The following BNIP1 variants were observed in gnomAD, a reference collection of about 807,000 sequenced individuals.
BNIP1 encodes vesicle transport protein SEC20.
A neutral mutation model predicts 28.5 loss-of-function variants in BNIP1; 25 were observed. The observed-to-expected ratio is 0.88, with a 90% CI of 0.64 to 1.23. The LOEUF is 1.23. Ranked by LOEUF, BNIP1 falls within the 50% of genes most tolerant of loss-of-function variation. The probability of loss-of-function intolerance (pLI) is 0.00; values close to 1 mark genes in which losing one functional copy is unlikely to be tolerated. For missense variants in BNIP1, 276 were observed against 277.0 expected (o/e 1.00, Z 0.02); for synonymous variants, 118 against 101.7 (o/e 1.16, Z -0.96).
At chr5:173,145,293 TA>T (rs1295376729) in intron 1 of BNIP1, among the ~76,000 whole-genome samples, 1 of 152,254 alleles carries the variant, frequency 6.6e-6, no homozygotes, top group Non-Finnish European at 1.5e-5. Flanking sequence ...TTAAGCCATT[TA>T]AGGGTAGAGG....
rs751890417 is a variant in BNIP1 at position 173,163,879 on chromosome 5, G to A, written c.645G>A (p.Thr215=). Residue 215 remains threonine (T), a synonymous_variant, in exon 6 of 6, where the codon ACG becomes ACA. Transcript: ENST00000351486. ...TTGCGCTAGCCCTGTTTCTTGCTAC[G>A]GTCCTCTATATTGTGAAAAAGCGGC... ...IFLALALFLA[T]VLYIVKKRLF... is the part of the protein sequence containing the mutation. 4 of 1,613,056 alleles carry A rather than the reference G, an allele frequency of 2.5e-6. No individual in the cohort carries two copies. Among genetic ancestry groups the A allele is most frequent in the South Asian group, 2.2e-5 (2 of 90,874 alleles).
intron 4 of BNIP1, among the ~76,000 whole-genome samples, chr5:173,159,373 G>A (rs911853112): frequency 6.6e-6 from 1 of 151,244 alleles, no homozygotes; most frequent in African/African-American, 2.4e-5. Context: ...TGAACATTTT[G>A]GTATATTCTC....
intron 3 of BNIP1, among the ~76,000 whole-genome samples, chr5:173,157,789 A>G (rs1456627837): frequency 1.3e-5 from 2 of 152,122 alleles, no homozygotes; most frequent in African/African-American, 4.8e-5. Context: ...GCAGGTGAAG[A>G]CTGTAGATCC....
intron 2 of BNIP1, among the ~76,000 whole-genome samples, chr5:173,148,729 G>C (rs188992113): frequency 6.7e-6 from 1 of 148,216 alleles, no homozygotes; most frequent in Non-Finnish European, 1.5e-5. Context: ...TCTACTTGAA[G>C]CACTAGGCAG....
intron 3 of BNIP1, among the ~76,000 whole-genome samples, chr5:173,155,034 T>C (rs1006783512): frequency 5.9e-5 from 9 of 152,182 alleles, no homozygotes; most frequent in African/African-American, 2.2e-4. Context: ...CTAAGGATAA[T>C]TGGTACCAGA....
intron 2 of BNIP1, among the ~76,000 whole-genome samples, chr5:173,153,254 GTC>G (rs1029244948): frequency 1.3e-5 from 2 of 150,728 alleles, no homozygotes; most frequent in Admixed American, 6.6e-5. Context: ...TTTTGAGACA[GTC>G]TCTCTCTGTC....
rs191405019 is a variant in BNIP1 at position 173,147,030 on chromosome 5, G to T, written c.177+72G>T. The T allele has an allele frequency of 5.2e-5, 65 of 1,238,458 alleles. 1 individual carries two copies. In the Middle Eastern group the frequency reaches 1.3e-3, roughly 25 times the overall value. 76.7% of individuals were successfully genotyped at this position (1,238,458 alleles called of 1,614,324 possible). A position where few individuals can be genotyped will look rare whatever the true frequency, so the allele number is the denominator to read the frequency against. ...TATCCTCTGCTTGAGAGCCGTCTGG[G>T]TTCTTCAAACACCAGCTGATGGGAG... On this transcript the variant is annotated intron_variant, in intron 2 of 5. Coordinates refer to ENST00000351486, the MANE Select transcript of BNIP1 (RefSeq NM_001205.3).
chr5:173,155,668 GGGTGACA>G (rs1760165340), intron 3 of BNIP1, among the ~76,000 whole-genome samples: 1 of 151,982 alleles, frequency 6.6e-6, no homozygotes. Flanking sequence ...ACTCCAGCCT[GGGTGACA>G]GAGTGAGACT....
At chr5:173,158,877 T>C in intron 4 of BNIP1, 32 bp downstream of exon 4, 1 of 1,547,988 alleles carries the variant, frequency 6.5e-7, no homozygotes, top group South Asian at 1.1e-5. Context: ...TGGGCTCCGA[T>C]AATAATAGAT....
intron 4 of BNIP1, 111 bp downstream of exon 4, chr5:173,158,956 AT>A: frequency 4.2e-6 from 3 of 709,494 alleles, no homozygotes; most frequent in African/African-American, 1.8e-5. Flanking sequence ...TACATAAGTA[AT>A]TTTTTTAAGT....
At chr5:173,152,091 C>T (rs1203594325) in intron 2 of BNIP1, among the ~76,000 whole-genome samples, 1 of 152,216 alleles carries the variant, frequency 6.6e-6, no homozygotes, top group Non-Finnish European at 1.5e-5. Flanking sequence ...TGTCTTTGTA[C>T]ATATAGCTCT....
intron 2 of BNIP1, chr5:173,151,546 A>ATTTTTTT: frequency 2.1e-6 from 3 of 1,441,336 alleles, no homozygotes; most frequent in Non-Finnish European, 1.9e-6. Flanking sequence ...AATAACTGTC[A>ATTTTTTT]TTTTTTTTTT....
At chr5:173,153,401 G>A (rs1281212502) in intron 2 of BNIP1, among the ~76,000 whole-genome samples, 2 of 151,966 alleles carry the variant, frequency 1.3e-5, no homozygotes, top group Non-Finnish European at 2.9e-5. Flanking sequence ...CTAATTTTTT[G>A]TATTTTCAGT....
At chr5:173,158,562 A>G (rs781771000) in intron 3 of BNIP1, among the ~76,000 whole-genome samples, 182 bp from the exon 4 acceptor site, 16 of 152,234 alleles carry the variant, frequency 1.1e-4, no homozygotes, top group Non-Finnish European at 2.1e-4. Context: ...GGGTATCAGG[A>G]CCTGAGCAAG....
Position 173,160,027 on chromosome 5 carries a change from A to AGGGCTTTTATGCTCTGGTGTG in BNIP1, c.467_468insGGCTTTTATGCTCTGGTGTGG (p.Ser156delinsArgAlaPheMetLeuTrpCysGly). On this transcript the variant is annotated protein_altering_variant, in exon 5 of 6. Transcript: ENST00000351486. ...GATGATGGCCCAGCAGGTCCAGCAG[A>AGGGCTTTTATGCTCTGGTGTG]GCGAGGAGGCCATGCAGTCTCTAGG... is the stretch of plus-strand genomic sequence containing the variant. The AGGGCTTTTATGCTCTGGTGTG allele has an allele frequency of 6.2e-7, 1 of 1,614,060 alleles. No individual in the cohort carries two copies. The highest frequency in any genetic ancestry group is 2.2e-5 in the East Asian group (1 of 44,870).
chr5:173,144,531 G>A lies in BNIP1; in HGVS notation c.-15G>A, dbSNP rs1294944915. On this transcript the variant is annotated 5_prime_UTR_variant, in exon 1 of 6. Transcript: ENST00000351486. ...AACTTGGGTCCTGCCGCTGCCCGTA[G>A]CCGGCGTCCCCAACATGGCGGCTCC... 2.5e-6 allele frequency: 4 copies of A among 1,613,924 alleles called. No individual in the cohort carries two copies. The highest frequency in any genetic ancestry group is 2.5e-6 in the Non-Finnish European group (3 of 1,179,848).
chr5:173,160,526 G>T (rs1561599581), intron 5 of BNIP1, among the ~76,000 whole-genome samples: 1 of 152,140 alleles, frequency 6.6e-6, no homozygotes, highest in South Asian at 2.1e-4. Flanking sequence ...GAGATGCCAC[G>T]CCCGGCCCGT....
chr5:173,153,257 T>G (rs552254775), intron 2 of BNIP1, among the ~76,000 whole-genome samples: 1 of 151,512 alleles, frequency 6.6e-6, no homozygotes, highest in Non-Finnish European at 1.5e-5. Context: ...TGAGACAGTC[T>G]CTCTCTGTCG....
intron 3 of BNIP1, among the ~76,000 whole-genome samples, chr5:173,156,597 A>G (rs1370057868): frequency 2.1e-5 from 2 of 95,398 alleles, no homozygotes; most frequent in South Asian, 3.3e-4. Flanking sequence ...AGCCGTGATC[A>G]TGTGACTGCA....
Sources: gnomAD v4.1 joint callset for allele counts (sites outside exome capture counted in the v4.1 genomes callset) on GRCh38, gnomAD v4.1.1 for gene constraint, MANE v1.5 for transcripts, NCBI Gene and HGNC (gene_info 2026-07-23, HGNC 2026-07-21) for gene names.